The following IGSF11 variants were observed in gnomAD, a reference collection of about 807,000 sequenced individuals.
IGSF11 encodes the protein immunoglobulin superfamily member 11.
A neutral mutation model predicts 41.0 loss-of-function variants in IGSF11; 22 were observed. The observed-to-expected ratio is 0.54, with a 90% CI of 0.38 to 0.77. The LOEUF is 0.77. IGSF11 is among the 30% of genes least tolerant of loss of function. The pLI is 0.00. For missense variants in IGSF11, 444 were observed against 530.8 expected (o/e 0.84, Z 1.61); for synonymous variants, 219 against 201.3 (o/e 1.09, Z -0.74).
chr3:119,105,186 G>T, exon 1 of IGSF11: 1 of 1,604,730 alleles, frequency 6.2e-7, no homozygotes, highest in South Asian at 1.1e-5. Context: ...AGTTCCACCA[G>T]AGACATTTAT....
intron 4 of IGSF11, among the ~76,000 whole-genome samples, chr3:118,916,239 C>G (rs1189193498): frequency 6.8e-6 from 1 of 147,746 alleles, no homozygotes; most frequent in African/African-American, 2.6e-5. Context: ...ATGACAGGAT[C>G]AAATTCACAC....
intron 1 of IGSF11, among the ~76,000 whole-genome samples, chr3:119,029,277 CG>C (rs1940164638): frequency 6.8e-6 from 1 of 146,336 alleles, no homozygotes; most frequent in South Asian, 2.2e-4. Flanking sequence ...CACACACACC[CG>C]AGAGAGAGAG....
intron 1 of IGSF11, among the ~76,000 whole-genome samples, chr3:119,117,513 T>A (rs2077275244): frequency 6.6e-6 from 1 of 152,164 alleles, no homozygotes. Flanking sequence ...CCCCCCATGA[T>A]TCAATTATCT....
chr3:118,941,126 T>G (rs1943661191), intron 1 of IGSF11, among the ~76,000 whole-genome samples: 2 of 152,016 alleles, frequency 1.3e-5, no homozygotes, highest in South Asian at 4.1e-4. Context: ...TCAAAATTAT[T>G]GTTTTGATAA....
intron 1 of IGSF11, among the ~76,000 whole-genome samples, chr3:119,086,045 TAC>T (rs1197007042): frequency 6.6e-6 from 1 of 152,208 alleles, no homozygotes; most frequent in Non-Finnish European, 1.5e-5. Context: ...GAAGTGAAGT[TAC>T]AGTTACAAAG....
chr3:118,922,597 C>T (rs1482649182), intron 4 of IGSF11, among the ~76,000 whole-genome samples: 1 of 152,122 alleles, frequency 6.6e-6, no homozygotes, highest in Non-Finnish European at 1.5e-5. Flanking sequence ...CTCCCCAGCC[C>T]ATGGAAACCA....
chr3:118,982,105 T>A (rs181120389), intron 1 of IGSF11, among the ~76,000 whole-genome samples: 136 of 152,256 alleles, frequency 8.9e-4, no homozygotes, highest in Middle Eastern at 6.8e-3. Flanking sequence ...TGCCAGTATA[T>A]TCAAGTTCCC....
intron 1 of IGSF11, among the ~76,000 whole-genome samples, chr3:119,086,955 T>C (rs2076685635): frequency 6.6e-6 from 1 of 152,170 alleles, no homozygotes; most frequent in Non-Finnish European, 1.5e-5. Context: ...AGGACAAAAG[T>C]GGCAGACTGA....
chr3:119,107,049 C>T (rs141048153), upstream of IGSF11, among the ~76,000 whole-genome samples: 37,663 of 151,990 alleles, frequency 0.25, 4,756 homozygotes, highest in South Asian at 0.3. Flanking sequence ...AATCAACATA[C>T]GTGTGCATGT....
At chr3:118,999,451 A>C (rs1281048742) in intron 1 of IGSF11, among the ~76,000 whole-genome samples, 1 of 152,120 alleles carries the variant, frequency 6.6e-6, no homozygotes, top group Non-Finnish European at 1.5e-5. Flanking sequence ...ATGACATATA[A>C]AATTCTAGAG....
chr3:119,143,609 T>C (rs192595568), intron 1 of IGSF11, among the ~76,000 whole-genome samples: 1 of 152,288 alleles, frequency 6.6e-6, no homozygotes, highest in East Asian at 1.9e-4. Context: ...CAGAAGTCCT[T>C]CCATAGCAGT....
At chr3:118,984,430 T>C (rs928593412) in intron 1 of IGSF11, among the ~76,000 whole-genome samples, 1 of 152,162 alleles carries the variant, frequency 6.6e-6, no homozygotes, top group African/African-American at 2.4e-5. Context: ...AGAAAAGAAC[T>C]GCTGGTCATG....
rs375416108 is a variant in IGSF11, at chr3:119,116,793, C to G, written c.-13-11588G>C. Among the ~76,000 whole-genome samples, 6 of 152,250 alleles carry G rather than the reference C, an allele frequency of 3.9e-5. No homozygotes were observed. The East Asian group carries it at 1.2e-3, about 29-fold the overall frequency. On this transcript the variant is annotated intron_variant, in intron 1 of 7. Coordinates refer to the IGSF11 transcript ENST00000425327. ...ATGGTAGATTGGCCTTTTGAGATAT[C>G]TTTCCAGAATTTTTTGCATATCTGA...
At chr3:119,056,394 C>A (rs1446282431) in intron 1 of IGSF11, among the ~76,000 whole-genome samples, 1 of 152,164 alleles carries the variant, frequency 6.6e-6, no homozygotes, top group Non-Finnish European at 1.5e-5. Flanking sequence ...AATTCCTCGA[C>A]ACATACACCC....
intron 1 of IGSF11, among the ~76,000 whole-genome samples, chr3:119,041,900 T>C (rs1187214994): frequency 6.6e-6 from 1 of 152,106 alleles, no homozygotes; most frequent in Non-Finnish European, 1.5e-5. Context: ...CTTTTACAAC[T>C]ATGAAAAAAT....
chr3:119,087,030 A>G (rs2076687082), intron 1 of IGSF11, among the ~76,000 whole-genome samples: 1 of 152,240 alleles, frequency 6.6e-6, no homozygotes, highest in Non-Finnish European at 1.5e-5. Flanking sequence ...AATGACACCC[A>G]CAGGCTCAAA....
intron 1 of IGSF11, among the ~76,000 whole-genome samples, chr3:119,126,504 C>A (rs946526420): frequency 2.0e-5 from 3 of 152,228 alleles, no homozygotes; most frequent in African/African-American, 7.2e-5. Context: ...AAAACACACC[C>A]TCTCCACCAA....
At chr3:119,043,118 G>T (rs571361843) in intron 1 of IGSF11, among the ~76,000 whole-genome samples, 5 of 152,142 alleles carry the variant, frequency 3.3e-5, no homozygotes, top group Non-Finnish European at 7.4e-5. Flanking sequence ...GGATGAACCC[G>T]GGCACTTAGC....
upstream of IGSF11, among the ~76,000 whole-genome samples, chr3:119,106,008 A>T (rs1318804088): frequency 6.6e-6 from 1 of 152,228 alleles, no homozygotes; most frequent in Admixed American, 6.5e-5. Flanking sequence ...AAACATATTG[A>T]ATGCAAAACA....
Sources: gnomAD v4.1 joint callset for allele counts (sites outside exome capture counted in the v4.1 genomes callset) on GRCh38, gnomAD v4.1.1 for gene constraint, MANE v1.5 for transcripts, NCBI Gene and HGNC (gene_info 2026-07-23, HGNC 2026-07-21) for gene names.